LRRC49: variants seen among roughly 807,000 people sequenced by gnomAD.
LRRC49 encodes leucine rich repeat containing 49.
A neutral mutation model predicts 83.3 loss-of-function variants in LRRC49; 50 were observed. The ratio of observed to expected loss-of-function variants is 0.60; its 90% CI spans 0.48 to 0.76. The LOEUF (loss-of-function observed/expected upper bound fraction) is 0.76, where lower values mean the gene tolerates loss of function less well. LRRC49 is among the 30% of genes least tolerant of loss of function. LRRC49 has a pLI of 0.00. For missense variants in LRRC49, 704 were observed against 809.1 expected (o/e 0.87, Z 1.58); for synonymous variants, 286 against 283.3 (o/e 1.01, Z -0.10).
chr15:71,012,397 C>A (rs1040319204), intron 13 of LRRC49, among the ~76,000 whole-genome samples: 8 of 151,970 alleles, frequency 5.3e-5, no homozygotes, highest in African/African-American at 1.9e-4. Flanking sequence ...TGACCAACAC[C>A]TTGGCTTACC....
intron 11 of LRRC49, among the ~76,000 whole-genome samples, chr15:70,998,907 A>C (rs554336678): frequency 6.6e-6 from 1 of 152,108 alleles, no homozygotes; most frequent in East Asian, 1.9e-4. Context: ...CTCAGACTAC[A>C]TAATTTAATT....
chr15:70,942,486 T>C (rs991593644), intron 8 of LRRC49, among the ~76,000 whole-genome samples: 5 of 152,188 alleles, frequency 3.3e-5, no homozygotes, highest in African/African-American at 1.2e-4. Flanking sequence ...AAATTCAAAA[T>C]CCACTTAGAA....
intron 11 of LRRC49, among the ~76,000 whole-genome samples, chr15:71,006,559 A>G (rs2038465562): frequency 1.3e-5 from 2 of 152,090 alleles, no homozygotes; most frequent in Non-Finnish European, 2.9e-5. Flanking sequence ...CATCCTTCTT[A>G]AGATATAATA....
intron 1 of LRRC49, chr15:70,859,330 C>G: frequency 8.9e-6 from 7 of 784,520 alleles, no homozygotes; most frequent in Non-Finnish European, 1.6e-5. Context: ...CTTACATGAA[C>G]AAGATAGAGC....
chr15:70,941,619 G>A (rs2035818623), intron 8 of LRRC49, among the ~76,000 whole-genome samples: 1 of 151,884 alleles, frequency 6.6e-6, no homozygotes. Flanking sequence ...GCAGCAAAAA[G>A]CAAAAAAATC....
chr15:71,022,030 T>G (rs1653396881), intron 14 of LRRC49, among the ~76,000 whole-genome samples: 1 of 152,156 alleles, frequency 6.6e-6, no homozygotes, highest in Non-Finnish European at 1.5e-5. Flanking sequence ...ATCAATGTAA[T>G]GAATCCACCT....
chr15:70,899,984 T>A (rs1361760622), intron 3 of LRRC49, among the ~76,000 whole-genome samples: 1 of 152,182 alleles, frequency 6.6e-6, no homozygotes, highest in Non-Finnish European at 1.5e-5. Flanking sequence ...TTTCTGGAAC[T>A]TCTCATTGTT....
intron 11 of LRRC49, among the ~76,000 whole-genome samples, chr15:71,000,859 G>A (rs1191208205): frequency 7.9e-5 from 12 of 151,356 alleles, no homozygotes; most frequent in African/African-American, 2.7e-4. Context: ...TGTATTATGT[G>A]TCTTTCTCAT....
In LRRC49 at chr15:71,037,326, G is replaced by A. The variant is rs1335329823; in HGVS notation, c.1851G>A (p.Lys617=). Reference sequence around the variant, plus strand: ...CTACAAGAGACTTTTATAATGAAAAGCTAGAGGTAAAACTACTGTTAATCT... The same window carrying A: ...CTACAAGAGACTTTTATAATGAAAAACTAGAGGTAAAACTACTGTTAATCT... ...NYTTRDFYNE[K]LEEIKEKKKF... is the part of the protein sequence containing the mutation. Residue 617 remains lysine, a synonymous_variant, in exon 15 of 16, where the codon AAG becomes AAA. Transcript: ENST00000260382. The A allele has an allele frequency of 1.9e-6, 3 of 1,595,238 alleles. No homozygotes were observed. In the African/African-American group the frequency reaches 4.1e-5, roughly 22 times the overall value.
chr15:70,911,760 T>C (rs1168945460), intron 6 of LRRC49, among the ~76,000 whole-genome samples, 162 bp downstream of exon 6: 4 of 152,224 alleles, frequency 2.6e-5, no homozygotes, highest in Non-Finnish European at 4.4e-5. Flanking sequence ...ATTTGGTAAC[T>C]CCTCAGCAGT....
chr15:70,880,123 T>C (rs2033232757), intron 2 of LRRC49, among the ~76,000 whole-genome samples: 1 of 152,182 alleles, frequency 6.6e-6, no homozygotes, highest in African/African-American at 2.4e-5. Flanking sequence ...TCACCTGGAA[T>C]TCTCTTCCCT....
At chr15:70,860,248 A>T in intron 1 of LRRC49, 1 of 603,420 alleles carries the variant, frequency 1.7e-6, no homozygotes, top group East Asian at 2.9e-5. Flanking sequence ...TATCACAGGG[A>T]ACAGGAGACC....
chr15:71,012,848 C>T lies in LRRC49; in HGVS notation c.1638C>T (p.Ile546=), dbSNP rs2038699563. Residue 546 remains isoleucine, a synonymous_variant, in exon 14 of 16, where the codon ATC becomes ATT. Coordinates refer to ENST00000260382, the MANE Select transcript of LRRC49 (RefSeq NM_017691.5). ...TAATGGCTGAAAGGCTCTTTGGAAT[C>T]CTAGCACATGTAGCATCTTCTGAGT... ...DMIMAERLFG[I]LAHVASSELP... is the part of the protein sequence containing the mutation. 1 of 1,613,230 alleles carries T rather than the reference C, an allele frequency of 6.2e-7. No individual in the cohort carries two copies. The highest frequency in any genetic ancestry group is 1.7e-4 in the Middle Eastern group (1 of 6,048).
intron 1 of LRRC49, among the ~76,000 whole-genome samples, chr15:70,868,607 G>A (rs1007298475): frequency 6.6e-6 from 1 of 152,226 alleles, no homozygotes; most frequent in East Asian, 1.9e-4. Context: ...TGACTCAGTA[G>A]GTCTAGGGTA....
At chr15:71,000,738 C>G (rs2038227473) in intron 11 of LRRC49, among the ~76,000 whole-genome samples, 1 of 152,134 alleles carries the variant, frequency 6.6e-6, no homozygotes. Flanking sequence ...AGAATCTACT[C>G]TTTTTGAAGC....
At chr15:71,023,770 A>G (rs2039069025) in intron 14 of LRRC49, among the ~76,000 whole-genome samples, 1 of 152,230 alleles carries the variant, frequency 6.6e-6, no homozygotes, top group Non-Finnish European at 1.5e-5. Context: ...AGAGCTGTGC[A>G]GATTCTCAGT....
chr15:70,918,918 G>A (rs952279634), intron 6 of LRRC49, 132 bp from the exon 7 acceptor site: 30 of 635,728 alleles, frequency 4.7e-5, no homozygotes, highest in South Asian at 2.6e-4. Context: ...ATTGAAAATA[G>A]ATTTTTAAAT....
chr15:70,885,847 T>C (rs1433584573), intron 2 of LRRC49, among the ~76,000 whole-genome samples: 6 of 152,184 alleles, frequency 3.9e-5, no homozygotes, highest in African/African-American at 1.4e-4. Context: ...ACATGATTAA[T>C]AGACATCAGT....
At chr15:70,863,901 T>G (rs1372809918) in intron 1 of LRRC49, among the ~76,000 whole-genome samples, 1 of 152,174 alleles carries the variant, frequency 6.6e-6, no homozygotes, top group Non-Finnish European at 1.5e-5. Context: ...AGGGGAGGCA[T>G]TTTTTGCCAC....
Sources: gnomAD v4.1 joint callset for allele counts (sites outside exome capture counted in the v4.1 genomes callset) on GRCh38, gnomAD v4.1.1 for gene constraint, MANE v1.5 for transcripts, NCBI Gene and HGNC (gene_info 2026-07-23, HGNC 2026-07-21) for gene names.